The following SLCO4A1 variants were observed in gnomAD, a reference collection of about 807,000 sequenced individuals.
The protein encoded by SLCO4A1 is solute carrier organic anion transporter family member 4A1.
SLCO4A1 carries 51 observed loss-of-function variants against 64.6 expected under a neutral mutation model. The ratio of observed to expected loss-of-function variants is 0.79; its 90% CI spans 0.63 to 1.00. SLCO4A1 has a LOEUF of 1.00. SLCO4A1 is among the 50% of genes least tolerant of loss of function. SLCO4A1 has a pLI of 0.00. For synonymous variants in SLCO4A1, 471 were observed against 444.9 expected (o/e 1.06, Z -0.74); for missense variants, 919 against 980.5 (o/e 0.94, Z 0.84).
chr20:62,652,982 C>T (rs185102206), intron 1 of SLCO4A1, among the ~76,000 whole-genome samples: 6 of 152,350 alleles, frequency 3.9e-5, no homozygotes, highest in African/African-American at 1.4e-4. Context: ...TCATTGCCAC[C>T]GGCGGGCTGT....
At chr20:62,678,264 T>A (rs1045334593) in intron 2 of SLCO4A1, among the ~76,000 whole-genome samples, 3 of 152,116 alleles carry the variant, frequency 2.0e-5, no homozygotes, top group Non-Finnish European at 2.9e-5. Flanking sequence ...TCAAGCAAAA[T>A]TTAGATAAAA....
In SLCO4A1 at chr20:62,657,171, G is replaced by A. The variant is rs1184015146; in HGVS notation, c.717G>A (p.Val239=). 1 of 1,556,056 alleles carries A rather than the reference G, an allele frequency of 6.4e-7. No homozygotes were observed. Among genetic ancestry groups the A allele is most frequent in the Non-Finnish European group, 8.7e-7 (1 of 1,150,842 alleles). The change falls in exon 2 of 12, where the codon GTG becomes GTA. Residue 239 remains valine, a synonymous_variant. Coordinates refer to ENST00000217159, the MANE Select transcript of SLCO4A1 (RefSeq NM_016354.4). ...VFMLGQFLHG[V]GATPLYTLGV... The stretch of plus-strand genomic sequence containing the variant: ...TGCTGGGCCAGTTCCTGCATGGCGT[G>A]GGTGCCACACCCCTCTACACGCTGG...
chr20:62,651,314 A>C (rs1317659979), intron 1 of SLCO4A1: 1 of 152,218 alleles, frequency 6.6e-6, no homozygotes, highest in East Asian at 1.9e-4. Flanking sequence ...GGGCATGATG[A>C]AGATGGAATG....
chr20:62,680,130 A>G (rs1193028796), intron 2 of SLCO4A1, among the ~76,000 whole-genome samples: 1 of 152,206 alleles, frequency 6.6e-6, no homozygotes, highest in Non-Finnish European at 1.5e-5. Flanking sequence ...ATCGAGTTCA[A>G]CGTTCGTAGA....
At chr20:62,681,713 GC>G (rs1490739085) in intron 2 of SLCO4A1, among the ~76,000 whole-genome samples, 1 of 152,080 alleles carries the variant, frequency 6.6e-6, no homozygotes, top group African/African-American at 2.4e-5. Context: ...TAGTTGCAGT[GC>G]CCCCATCCCT....
intron 6 of SLCO4A1, chr20:62,665,828 C>A (rs1244042948): frequency 1.3e-5 from 2 of 152,488 alleles, no homozygotes; most frequent in African/African-American, 4.8e-5. Flanking sequence ...CCTGTCCCCC[C>A]AAACCTGTCC....
Position 62,661,041 on chromosome 20 carries a change from C to CCCCCCCCCCCCCCCCCCAAAA in SLCO4A1, c.1010-23_1010-22insCCCCCCCCCCCCCCCCCAAAA. 7.0e-7 allele frequency: 1 copy of CCCCCCCCCCCCCCCCCCAAAA among 1,424,144 alleles called. No individual in the cohort carries two copies. Among genetic ancestry groups the CCCCCCCCCCCCCCCCCCAAAA allele is most frequent in the Non-Finnish European group, 9.9e-7 (1 of 1,010,142 alleles). 88.2% of individuals were successfully genotyped at this position (1,424,144 alleles called of 1,614,324 possible). ...TCCGGGAGCCCCCAGCCCCCAGCCC[C>CCCCCCCCCCCCCCCCCCAAAA]AGCTCACTCTGTGCCCTTCCAGGCT... On this transcript the variant is annotated intron_variant, in intron 4 of 11. Transcript: ENST00000217159. The surrounding 1 kb of genome is among the most constrained non-coding windows in gnomAD (Gnocchi z 5.2).
At chr20:62,662,609 C>G (rs1162974697) in intron 5 of SLCO4A1, among the ~76,000 whole-genome samples, 1 of 152,208 alleles carries the variant, frequency 6.6e-6, no homozygotes, top group Non-Finnish European at 1.5e-5. Context: ...GCCGAGCAAT[C>G]AGTGATTAAG....
intron 11 of SLCO4A1, 31 bp from the exon 12 acceptor site, chr20:62,671,719 C>T: frequency 6.2e-7 from 1 of 1,602,992 alleles, no homozygotes; most frequent in Non-Finnish European, 8.5e-7. Flanking sequence ...CCGAGCTCCC[C>T]ACGAGGTCCA....
intron 11 of SLCO4A1, among the ~76,000 whole-genome samples, chr20:62,669,736 G>A (rs753272815): frequency 3.3e-5 from 5 of 152,130 alleles, no homozygotes; most frequent in Non-Finnish European, 5.9e-5. Context: ...CTTGGGTGAC[G>A]GACCCAGGAG....
chr20:62,642,990 C>T (rs1293502344), intron 1 of SLCO4A1: 1 of 470,034 alleles, frequency 2.1e-6, no homozygotes, highest in Non-Finnish European at 4.4e-6. Context: ...CTCCGCGGAG[C>T]TCCAGAGTTG....
chr20:62,656,712 C>T lies in SLCO4A1; in HGVS notation c.258C>T (p.Cys86=), dbSNP rs541046482. ...TCTCGGCCGGGCAGAGCGTGGCGTG[C>T]GGCTGGTGGGCCTTCGCACCGCCGT... ...RYVSAGQSVA[C]GWWAFAPPCL... Residue 86 remains cysteine (C), a synonymous_variant, in exon 2 of 12, where the codon TGC becomes TGT. Coordinates refer to ENST00000217159, the MANE Select transcript of SLCO4A1 (RefSeq NM_016354.4). The T allele has an allele frequency of 2.2e-5, 35 of 1,610,332 alleles. No individual in the cohort carries two copies. The highest frequency in any genetic ancestry group is 3.3e-5 in the Admixed American group (2 of 59,820).
downstream of SLCO4A1, among the ~76,000 whole-genome samples, chr20:62,672,846 G>A (rs150631555): frequency 3.9e-5 from 6 of 152,164 alleles, no homozygotes; most frequent in East Asian, 3.9e-4. Flanking sequence ...CTTCCCACTC[G>A]CTGAGCCCTG....
rs1324671989 is a variant in SLCO4A1, at chr20:62,668,402, G to T, written c.1812-75G>T. ...GATGTGGCTGGGGACTGGTCCAGGA[G>T]GCCACTGGCCTAGGGGGTGACTTGG... On this transcript the variant is annotated intron_variant, in intron 9 of 11. Coordinates refer to ENST00000217159, the MANE Select transcript of SLCO4A1 (RefSeq NM_016354.4). The T allele has an allele frequency of 2.7e-6, 4 of 1,483,350 alleles. No homozygotes were observed. The African/African-American group carries it at 5.5e-5, about 21-fold the overall frequency. The allele number at this position is 1,483,350 out of a possible 1,614,324, so 91.9% of individuals were successfully genotyped here. A position where few individuals can be genotyped will look rare whatever the true frequency, so the allele number is the denominator to read the frequency against.
At chr20:62,667,639 G>A (rs914894478) in intron 7 of SLCO4A1, 106 bp from the exon 8 acceptor site, 41 of 1,379,212 alleles carry the variant, frequency 3.0e-5, no homozygotes, top group East Asian at 6.9e-5. Context: ...TTGTAGACCC[G>A]AAATGCAGGC....
intron 2 of SLCO4A1, among the ~76,000 whole-genome samples, chr20:62,678,955 G>C (rs1182755765): frequency 6.6e-6 from 1 of 152,158 alleles, no homozygotes; most frequent in Non-Finnish European, 1.5e-5. Context: ...AAGGTGGCTC[G>C]CGCCTATAAT....
At chr20:62,684,755 C>A (rs117714624) in intron 2 of SLCO4A1, among the ~76,000 whole-genome samples, 129 of 152,238 alleles carry the variant, frequency 8.5e-4, no homozygotes, top group Non-Finnish European at 1.4e-3. Flanking sequence ...CCAGGGCGAT[C>A]AGGGGTCCCC....
At chr20:62,667,557 C>A (rs914915880) in intron 7 of SLCO4A1, 188 bp from the exon 8 acceptor site, 34 of 651,670 alleles carry the variant, frequency 5.2e-5, no homozygotes, top group Non-Finnish European at 8.0e-5. Flanking sequence ...GGAGGAAAAA[C>A]CATTCTATCA....
At chr20:62,653,737 G>A (rs1311350287) in intron 1 of SLCO4A1, among the ~76,000 whole-genome samples, 3 of 152,206 alleles carry the variant, frequency 2.0e-5, no homozygotes, top group Non-Finnish European at 2.9e-5. Flanking sequence ...GTTTGCCTCC[G>A]TGGGGGCTGC....
Sources: gnomAD v4.1 joint callset for allele counts (sites outside exome capture counted in the v4.1 genomes callset) on GRCh38, gnomAD v4.1.1 for gene constraint, Gnocchi (gnomAD v3.1) non-coding constraint, MANE v1.5 for transcripts, NCBI Gene and HGNC (gene_info 2026-07-23, HGNC 2026-07-21) for gene names.